Variants in AOPEP observed in about 807,000 individuals in gnomAD.
AOPEP encodes aminopeptidase O.
AOPEP carries 77 observed loss-of-function variants against 98.1 expected under a neutral mutation model. That is an observed-to-expected ratio of 0.78 (90% CI 0.65 to 0.95). AOPEP has a LOEUF of 0.95. Among genes scored for constraint, AOPEP ranks in the 40% least tolerant of loss-of-function variants. The pLI is 0.00. For missense variants in AOPEP, 1,024 were observed against 1,024.7 expected (o/e 1.00, Z 0.01); for synonymous variants, 346 against 365.3 (o/e 0.95, Z 0.60).
intron 8 of AOPEP, among the ~76,000 whole-genome samples, 186 bp downstream of exon 8, chr9:94,955,465 A>C (rs1300187673): frequency 6.6e-6 from 1 of 152,232 alleles, no homozygotes; most frequent in Non-Finnish European, 1.5e-5. Context: ...AAGTTAGGAA[A>C]GACTGAATGA....
chr9:94,857,972 G>A (rs1325214579), intron 5 of AOPEP, among the ~76,000 whole-genome samples: 1 of 151,746 alleles, frequency 6.6e-6, no homozygotes, highest in Non-Finnish European at 1.5e-5. Context: ...GGCGTACCCT[G>A]GTGTGATTAT....
the AOPEP span, among the ~76,000 whole-genome samples, chr9:95,116,725 G>A: frequency 1.3e-5 from 2 of 152,162 alleles, no homozygotes; most frequent in Non-Finnish European, 2.9e-5. Context: ...CACATTCCTG[G>A]ATCAACACCA....
intron 5 of AOPEP, among the ~76,000 whole-genome samples, chr9:94,903,405 T>G (rs1442438800): frequency 1.3e-5 from 2 of 152,002 alleles, no homozygotes; most frequent in African/African-American, 4.8e-5. Context: ...TGGTAGCAAA[T>G]GGATCTGTGA....
chr9:94,886,249 A>G (rs1248219550), intron 5 of AOPEP, among the ~76,000 whole-genome samples: 1 of 152,234 alleles, frequency 6.6e-6, no homozygotes, highest in African/African-American at 2.4e-5. Flanking sequence ...TCTAAAGTAC[A>G]CAAAGAAAAT....
intron 5 of AOPEP, among the ~76,000 whole-genome samples, chr9:94,863,696 G>A (rs990232405): frequency 4.5e-4 from 68 of 152,320 alleles, no homozygotes; most frequent in Non-Finnish European, 7.1e-4. Context: ...GATTACAGAC[G>A]TGAGCCACCA....
rs745378977 is a variant in AOPEP, at chr9:94,792,857, A to T, written c.1057A>T (p.Thr353Ser). ...ATGCTGGACAGAAATGAAGATGGAG[A>T]CATGGTCATCAAATGATTTGGCAAC... ...VGCWTEMKME[T>S]WSSNDLATER... Residue 353 changes from threonine (T) to serine (S), a missense_variant, in exon 4 of 17, where the codon ACA (threonine) becomes TCA (serine). Physicochemically the swap from Thr to Ser is moderately conservative, Grantham distance 58. Transcript: ENST00000375315. 1 of 1,613,804 alleles carries T rather than the reference A, an allele frequency of 6.2e-7. No individual in the cohort carries two copies. The highest frequency in any genetic ancestry group is 1.1e-5 in the South Asian group (1 of 91,060).
At chr9:95,006,004 T>C (rs10761364) in intron 13 of AOPEP, 390,600 of 479,404 alleles carry the variant, frequency 0.81, 163,454 homozygotes, top group Non-Finnish European at 0.89. Flanking sequence ...ACCTAGACTT[T>C]AAATTGGAGT....
intron 1 of AOPEP, among the ~76,000 whole-genome samples, chr9:94,731,660 C>T (rs2131683371): frequency 6.6e-6 from 1 of 151,762 alleles, no homozygotes; most frequent in South Asian, 2.1e-4. Flanking sequence ...TAGAGCAGTT[C>T]TTTTGCATTT....
intron 7 of AOPEP, chr9:94,933,342 G>T: frequency 1.0e-6 from 1 of 985,464 alleles, no homozygotes; most frequent in Non-Finnish European, 1.2e-6. Context: ...GAGCTAAGGT[G>T]GCAGGGTCAG....
intron 5 of AOPEP, among the ~76,000 whole-genome samples, chr9:94,887,223 C>T (rs934756675): frequency 2.0e-5 from 3 of 152,046 alleles, no homozygotes; most frequent in African/African-American, 7.2e-5. Flanking sequence ...TGGCATGCAC[C>T]TGTAGTCCCA....
chr9:95,051,789 T>C (rs958138180), intron 13 of AOPEP, among the ~76,000 whole-genome samples: 1 of 151,860 alleles, frequency 6.6e-6, no homozygotes, highest in African/African-American at 2.4e-5. Flanking sequence ...CTGCAAGCTC[T>C]GCCTCCCAGG....
intron 1 of AOPEP, among the ~76,000 whole-genome samples, chr9:94,757,621 G>C (rs1409306054): frequency 6.6e-6 from 1 of 152,072 alleles, no homozygotes; most frequent in Non-Finnish European, 1.5e-5. Context: ...GAATCTGTTA[G>C]AGTTAGACAA....
intron 5 of AOPEP, among the ~76,000 whole-genome samples, chr9:94,868,333 A>G (rs985993112): frequency 7.2e-5 from 11 of 152,188 alleles, no homozygotes; most frequent in African/African-American, 2.7e-4. Flanking sequence ...TCATACCTGC[A>G]AATCACTTGA....
At chr9:94,765,579 G>A (rs956275926) in intron 2 of AOPEP, among the ~76,000 whole-genome samples, 3 of 151,400 alleles carry the variant, frequency 2.0e-5, no homozygotes, top group Admixed American at 6.6e-5. Flanking sequence ...TCCAGCCTGG[G>A]CGACAGAGTG....
chr9:95,138,689 G>A, the AOPEP span, among the ~76,000 whole-genome samples: 9 of 152,328 alleles, frequency 5.9e-5, no homozygotes, highest in East Asian at 1.4e-3. Context: ...GCCATGGCAC[G>A]GTGTTTGTCA....
chr9:94,824,721 A>T (rs973535202), intron 5 of AOPEP: 10 of 152,196 alleles, frequency 6.6e-5, no homozygotes, highest in African/African-American at 2.4e-4. Flanking sequence ...GAAATGATGG[A>T]TGCATTCTTT....
At position 94,759,916 on chromosome 9, in the gene AOPEP, C is replaced by G; in HGVS notation, c.133C>G (p.Leu45Val). The G allele has an allele frequency of 6.2e-7, 1 of 1,614,134 alleles. No homozygotes were observed. The highest frequency in any genetic ancestry group is 8.5e-7 in the Non-Finnish European group (1 of 1,180,018). The change falls in exon 2 of 17, where the codon CTT becomes GTT. Residue 45 changes from leucine to valine, a missense_variant. By Grantham distance (32) the Leu-to-Val change is conservative. Around this residue, in one of 3 missense-constraint regions of AOPEP, gnomAD observed 440 missense variants for 433.8 expected, o/e 1.01. Coordinates refer to ENST00000375315, the MANE Select transcript of AOPEP (RefSeq NM_001193329.3). ...TCAAGTCATTGAGGGGACCATAGTGCTTTTCCTCGAGGATGGAAACAGATT... is the reference window on the plus strand; with the variant it reads ...TCAAGTCATTGAGGGGACCATAGTGGTTTTCCTCGAGGATGGAAACAGATT... ...ESQVIEGTIV[L>V]FLEDGNRFKK...
At chr9:94,827,157 G>A (rs368109981) in intron 5 of AOPEP, among the ~76,000 whole-genome samples, 1 of 152,100 alleles carries the variant, frequency 6.6e-6, no homozygotes, top group African/African-American at 2.4e-5. Flanking sequence ...CAAAGAACAC[G>A]GTGAGCTGGA....
intron 5 of AOPEP, among the ~76,000 whole-genome samples, chr9:94,855,868 C>T (rs1038152405): frequency 6.6e-6 from 1 of 152,114 alleles, no homozygotes; most frequent in Admixed American, 6.5e-5. Flanking sequence ...CAGGTGTCCT[C>T]TTCTTAGATT....
Sources: allele counts gnomAD v4.1 joint callset (sites outside exome capture counted in the v4.1 genomes callset), GRCh38; gene constraint gnomAD v4.1.1; regional missense constraint gnomAD v4.1.1; transcripts MANE v1.5; gene names NCBI Gene and HGNC (gene_info 2026-07-23, HGNC 2026-07-21).